MARCHF3: variants seen among roughly 807,000 people sequenced by gnomAD.
The protein encoded by MARCHF3 is membrane associated ring-CH-type finger 3, also known as E3 ubiquitin-protein ligase MARCHF3.
MARCHF3 carries 13 observed loss-of-function variants against 24.2 expected under a neutral mutation model. The observed-to-expected ratio is 0.54, with a 90% CI of 0.35 to 0.85. MARCHF3 has a LOEUF of 0.85. Among genes scored for constraint, MARCHF3 ranks in the 40% least tolerant of loss-of-function variants. The pLI is 0.01. For missense variants in MARCHF3, 276 were observed against 325.0 expected (o/e 0.85, Z 1.16); for synonymous variants, 144 against 137.3 (o/e 1.05, Z -0.34).
intron 3 of MARCHF3, among the ~76,000 whole-genome samples, chr5:126,880,578 T>C (rs1196302111): frequency 6.6e-6 from 1 of 152,206 alleles, no homozygotes; most frequent in African/African-American, 2.4e-5. Flanking sequence ...TATTGTATCT[T>C]AATTTTATAG....
rs762900876 is a variant in MARCHF3 at position 126,914,953 on chromosome 5, G to T, written c.370C>A (p.Arg124Ser). ...ELCHFRFAVE[R>S]KPRPLVEWLR... The stretch of plus-strand genomic sequence containing the variant: ...ACCTCCACTAACGGCCTGGGTTTGC[G>T]CTCGACTGCAAACCTGAAGTGGCAG... The change falls in exon 3 of 5, where the codon CGC becomes AGC. Residue 124 changes from arginine to serine, a missense_variant. Physicochemically the swap from Arg to Ser is moderately radical, Grantham distance 110. Coordinates refer to ENST00000308660, the MANE Select transcript of MARCHF3 (RefSeq NM_178450.5). 7 of 1,614,042 alleles carry T rather than the reference G, an allele frequency of 4.3e-6. No homozygotes were observed. In the African/African-American group the frequency reaches 8.0e-5, roughly 18 times the overall value.
intron 1 of MARCHF3, among the ~76,000 whole-genome samples, chr5:126,995,978 T>C (rs1237773005): frequency 1.3e-5 from 2 of 152,228 alleles, no homozygotes; most frequent in South Asian, 2.1e-4. Context: ...AGCTGGGTCC[T>C]TGAAAGATGA....
At chr5:126,960,426 AAAT>A (rs1164951380) in intron 1 of MARCHF3, among the ~76,000 whole-genome samples, 2 of 152,186 alleles carry the variant, frequency 1.3e-5, no homozygotes, top group African/African-American at 4.8e-5. Flanking sequence ...CGCAATTTGA[AAAT>A]AATGACAGTT....
intron 1 of MARCHF3, among the ~76,000 whole-genome samples, chr5:127,012,520 C>A (rs1159768879): frequency 6.6e-6 from 1 of 151,996 alleles, no homozygotes; most frequent in Non-Finnish European, 1.5e-5. Context: ...GGTTTGAAAT[C>A]ATTAGAGAAG....
At chr5:126,916,622 ACT>A (rs2126793648) in intron 2 of MARCHF3, among the ~76,000 whole-genome samples, 1 of 149,728 alleles carries the variant, frequency 6.7e-6, no homozygotes, top group South Asian at 2.1e-4. Flanking sequence ...AGCCTGTAAA[ACT>A]CTGAAACCTG....
Position 126,988,048 on chromosome 5 carries a change from T to TA in MARCHF3, c.-57+42301dup, listed in dbSNP as rs201633816. ...CTAAAATTAGTTCAAAATAAAAAGT[T>TA]AAAAAAAACTGTCTAGAAAGAACTA... is the stretch of plus-strand genomic sequence containing the variant. On this transcript the variant is annotated intron_variant, in intron 1 of 4. Coordinates refer to ENST00000308660, the MANE Select transcript of MARCHF3 (RefSeq NM_178450.5). Among the ~76,000 whole-genome samples the TA allele has an allele frequency of 1.9e-3, 284 of 151,938 alleles. 3 individuals carry two copies. Among genetic ancestry groups the TA allele is most frequent in the African/African-American group, 6.5e-3 (271 of 41,422 alleles).
At chr5:126,959,140 G>A (rs947209107) in intron 1 of MARCHF3, among the ~76,000 whole-genome samples, 1 of 152,114 alleles carries the variant, frequency 6.6e-6, no homozygotes, top group Non-Finnish European at 1.5e-5. Context: ...TGGAAAGGGG[G>A]AAGGAATAAT....
At chr5:126,895,227 G>A (rs1236917691) in intron 3 of MARCHF3, among the ~76,000 whole-genome samples, 1 of 152,036 alleles carries the variant, frequency 6.6e-6, no homozygotes, top group Middle Eastern at 3.2e-3. Context: ...TTTTTTCAAA[G>A]TTTTCAACTT....
intron 1 of MARCHF3, among the ~76,000 whole-genome samples, chr5:126,923,747 A>C (rs1749204034): frequency 6.6e-6 from 1 of 152,232 alleles, no homozygotes; most frequent in Non-Finnish European, 1.5e-5. Context: ...CACTTACTTA[A>C]AATTTTGTTA....
Position 126,914,941 on chromosome 5 carries a change from G to C in MARCHF3, c.382C>G (p.Pro128Ala), listed in dbSNP as rs771409617. ...FRFAVERKPR[P>A]LVEWLRNPGP... The stretch of plus-strand genomic sequence containing the variant: ...CCCCACTTACTGACCTCCACTAACG[G>C]CCTGGGTTTGCGCTCGACTGCAAAC... Residue 128 changes from proline to alanine, a missense_variant, in exon 3 of 5, where the codon CCG becomes GCG. Transcript: ENST00000308660. 1 of 1,614,070 alleles carries C rather than the reference G, an allele frequency of 6.2e-7. No homozygotes were observed. The highest frequency in any genetic ancestry group is 1.1e-5 in the South Asian group (1 of 91,078).
intron 1 of MARCHF3, among the ~76,000 whole-genome samples, chr5:127,001,100 T>C (rs1752113862): frequency 6.6e-6 from 1 of 151,934 alleles, no homozygotes; most frequent in Non-Finnish European, 1.5e-5. Flanking sequence ...TAGCCGGGCA[T>C]GCTGACGCAC....
At chr5:126,975,312 C>CAT (rs1390441706) in intron 1 of MARCHF3, among the ~76,000 whole-genome samples, 1 of 152,088 alleles carries the variant, frequency 6.6e-6, no homozygotes, top group Non-Finnish European at 1.5e-5. Flanking sequence ...CATGTGTTCA[C>CAT]ATATATAGTT....
intron 3 of MARCHF3, among the ~76,000 whole-genome samples, chr5:126,894,831 T>C (rs1753816705): frequency 2.0e-5 from 3 of 152,020 alleles, no homozygotes; most frequent in Middle Eastern, 3.4e-3. Flanking sequence ...GCGTTCTCTG[T>C]ATTTCCTGAA....
chr5:126,915,164 C>T (rs1210534515), intron 2 of MARCHF3, 30 bp from the exon 3 acceptor site: 1 of 1,606,462 alleles, frequency 6.2e-7, no homozygotes, highest in Non-Finnish European at 8.5e-7. Flanking sequence ...ACCTGCTGGT[C>T]ACTGGGCTGG....
chr5:126,918,214 T>C lies in MARCHF3; in HGVS notation c.-43A>G. On this transcript the variant is annotated 5_prime_UTR_variant, in exon 2 of 5. The change abolishes an upstream ATG in the 5' untranslated region. Coordinates refer to ENST00000308660, the MANE Select transcript of MARCHF3 (RefSeq NM_178450.5). Reference sequence around the variant, plus strand: ...ACTCTGCTAATGGCTTCCACATTCATACAGGATTTCCATCTAAGAGAGATC... The same window carrying C: ...ACTCTGCTAATGGCTTCCACATTCACACAGGATTTCCATCTAAGAGAGATC... 6.3e-7 allele frequency: 1 copy of C among 1,579,724 alleles called. No individual in the cohort carries two copies. Among genetic ancestry groups the C allele is most frequent in the Non-Finnish European group, 8.6e-7 (1 of 1,162,366 alleles).
chr5:126,874,042 T>C (rs1389660300), intron 4 of MARCHF3, among the ~76,000 whole-genome samples: 5 of 152,242 alleles, frequency 3.3e-5, no homozygotes, highest in Non-Finnish European at 7.3e-5. Context: ...TTCACTTAGA[T>C]ATTTCTTAAA....
chr5:126,970,380 G>A (rs1020512211), intron 1 of MARCHF3, among the ~76,000 whole-genome samples: 3 of 152,026 alleles, frequency 2.0e-5, no homozygotes, highest in Non-Finnish European at 4.4e-5. Context: ...GAGCCACTGC[G>A]CCCAGCTGGC....
At chr5:126,963,098 T>A (rs568147763) in intron 1 of MARCHF3, among the ~76,000 whole-genome samples, 1 of 152,258 alleles carries the variant, frequency 6.6e-6, no homozygotes, top group African/African-American at 2.4e-5. Context: ...AGATAATGTA[T>A]GTAATGTTTA....
intron 4 of MARCHF3, among the ~76,000 whole-genome samples, chr5:126,877,143 G>GC (rs1753187487): frequency 6.6e-6 from 1 of 152,172 alleles, no homozygotes; most frequent in African/African-American, 2.4e-5. Flanking sequence ...AGCTGGAAGA[G>GC]CCATATGATG....
Sources: allele counts gnomAD v4.1 joint callset (sites outside exome capture counted in the v4.1 genomes callset), GRCh38; gene constraint gnomAD v4.1.1; transcripts MANE v1.5; gene names NCBI Gene and HGNC (gene_info 2026-07-23, HGNC 2026-07-21).